The following ENTR1 variants were observed in gnomAD, a reference collection of about 807,000 sequenced individuals.
The protein encoded by ENTR1 is endosome-associated-trafficking regulator 1.
A neutral mutation model predicts 47.9 loss-of-function variants in ENTR1; 47 were observed. The observed-to-expected ratio is 0.98, with a 90% CI of 0.78 to 1.25. The LOEUF (loss-of-function observed/expected upper bound fraction) is 1.25, where lower values mean the gene tolerates loss of function less well. Among genes scored for constraint, ENTR1 ranks in the 50% most tolerant of loss-of-function variants. The pLI, the probability that ENTR1 is intolerant of heterozygous loss-of-function variation, is 0.00. For missense variants in ENTR1, 668 were observed against 570.5 expected (o/e 1.17, Z -1.74); for synonymous variants, 290 against 245.8 (o/e 1.18, Z -1.68).
chr9:136,406,848 C>A, intron 5 of ENTR1: 1 of 307,308 alleles, frequency 3.3e-6, no homozygotes. Context: ...TTTTCCTCCT[C>A]TTGGAATACT....
At position 136,405,895 on chromosome 9, in the gene ENTR1, G is replaced by C; in HGVS notation, c.893+10C>G. 6.4e-7 allele frequency: 1 copy of C among 1,560,812 alleles called. No homozygotes were observed. Among genetic ancestry groups the C allele is most frequent in the Non-Finnish European group, 8.7e-7 (1 of 1,146,656 alleles). ...TTGTGGATTGCATTCCTAACTAAAA[G>C]CTTACATACATTTCTGTTTGAGCTT... On this transcript the variant is annotated intron_variant, in intron 6 of 9. Transcript: ENST00000357365.
At chr9:136,402,941 A>G in intron 9 of ENTR1, 54 bp from the exon 10 acceptor site, 1 of 837,386 alleles carries the variant, frequency 1.2e-6, no homozygotes, top group South Asian at 1.4e-5. Flanking sequence ...CAGCAGCAAC[A>G]GGGTTCTGGG....
chr9:136,404,551 T>C (rs922961597), intron 8 of ENTR1, 80 bp downstream of exon 8: 6 of 1,452,312 alleles, frequency 4.1e-6, no homozygotes, highest in Non-Finnish European at 3.9e-6. Flanking sequence ...CCCAGCAGAG[T>C]CTTTCGCCTC....
intron 3 of ENTR1, among the ~76,000 whole-genome samples, chr9:136,408,675 A>G (rs1053918510): frequency 2.6e-5 from 4 of 152,160 alleles, no homozygotes; most frequent in Middle Eastern, 3.4e-3. Flanking sequence ...GGTAGCCTAA[A>G]TAACGCCCAC....
rs1375313094 is a variant in ENTR1 at position 136,402,739 on chromosome 9, T to C, written c.*49A>G. 2 of 1,263,496 alleles carry C rather than the reference T, an allele frequency of 1.6e-6. No homozygotes were observed. Among genetic ancestry groups the C allele is most frequent in the African/African-American group, 2.9e-5 (2 of 68,004 alleles). 78.3% of individuals were successfully genotyped at this position (1,263,496 alleles called of 1,614,324 possible). A position where few individuals can be genotyped will look rare whatever the true frequency, so the allele number is the denominator to read the frequency against. Reference sequence around the variant, plus strand: ...ACTGCACATTTAGATCGAGCGGTGGTGACCTCAGGGTATACACGGAGCTTC... The same window carrying C: ...ACTGCACATTTAGATCGAGCGGTGGCGACCTCAGGGTATACACGGAGCTTC... On this transcript the variant is annotated 3_prime_UTR_variant, in exon 10 of 10. Coordinates refer to ENST00000357365, the MANE Select transcript of ENTR1 (RefSeq NM_001039707.2).
At chr9:136,405,540 C>T (rs1834723933) in intron 6 of ENTR1, among the ~76,000 whole-genome samples, 1 of 152,214 alleles carries the variant, frequency 6.6e-6, no homozygotes, top group South Asian at 2.1e-4. Flanking sequence ...GAGTTTGAGA[C>T]AAGCCTGGGC....
Position 136,402,829 on chromosome 9 carries a change from C to G in ENTR1, c.1267G>C (p.Asp423His). 2 of 1,613,102 alleles carry G rather than the reference C, an allele frequency of 1.2e-6. No homozygotes were observed. Among genetic ancestry groups the G allele is most frequent in the Non-Finnish European group, 1.7e-6 (2 of 1,179,842 alleles). Residue 423 changes from aspartate (D) to histidine (H), a missense_variant, in exon 10 of 10, where the codon GAC becomes CAC. By Grantham distance (81) the Asp-to-His change is moderately conservative (BLOSUM62 -1). Transcript: ENST00000357365. ...TCGTCTTTAACTTCAGAAATTCTGT[C>G]TATAGATTTAAGGATTTCGGCAACA... ...NLVAEILKSI[D>H]RISEVKDEEE...
chr9:136,403,344 CCAGGGAGCAAGGGG>C, intron 9 of ENTR1, among the ~76,000 whole-genome samples: 1 of 110,918 alleles, frequency 9.0e-6, no homozygotes, highest in Non-Finnish European at 1.9e-5. Context: ...GGACAGGGTT[CCAGGGAGCAAGGGG>C]TGGGGTTTGC....
At chr9:136,409,145 T>G in intron 2 of ENTR1, 78 bp from the exon 3 acceptor site, 1 of 1,265,916 alleles carries the variant, frequency 7.9e-7, no homozygotes, top group South Asian at 1.2e-5. Context: ...CTTTTGCACA[T>G]GGAGTCTCCA....
chr9:136,404,700 C>T lies in ENTR1; in HGVS notation c.1006-7G>A, dbSNP rs370503382. Reference sequence around the variant, plus strand: ...CTGCCTTTACAGCCCGTTTCTGTTACCCAAAAAAGAAAAACCACAAAAAGC... The same window carrying T: ...CTGCCTTTACAGCCCGTTTCTGTTATCCAAAAAAGAAAAACCACAAAAAGC... On this transcript the variant is annotated splice_polypyrimidine_tract_variant and splice_region_variant and intron_variant, in intron 7 of 9. Coordinates refer to ENST00000357365, the MANE Select transcript of ENTR1 (RefSeq NM_001039707.2). 40 of 1,613,880 alleles carry T rather than the reference C, an allele frequency of 2.5e-5. No homozygotes were observed. In the African/African-American group the frequency reaches 5.2e-4, roughly 21 times the overall value.
chr9:136,408,811 T>G (rs896645596), intron 3 of ENTR1, among the ~76,000 whole-genome samples, 188 bp downstream of exon 3: 5 of 152,134 alleles, frequency 3.3e-5, no homozygotes, highest in Non-Finnish European at 5.9e-5. Context: ...CAGGTGGGGC[T>G]TCCCCGCTCC....
intron 9 of ENTR1, among the ~76,000 whole-genome samples, chr9:136,403,558 A>G (rs1339619519): frequency 1.3e-5 from 2 of 151,940 alleles, no homozygotes; most frequent in African/African-American, 4.8e-5. Context: ...GGAGACCCAC[A>G]CCTGACTTCA....
chr9:136,407,598 T>C, intron 4 of ENTR1, 37 bp from the exon 5 acceptor site: 1 of 1,510,130 alleles, frequency 6.6e-7, no homozygotes, highest in Non-Finnish European at 8.8e-7. Context: ...ATGGAGGCCA[T>C]GCTTCTGACT....
At chr9:136,406,186 G>A (rs1476442825) in intron 5 of ENTR1, among the ~76,000 whole-genome samples, 2 of 152,164 alleles carry the variant, frequency 1.3e-5, no homozygotes, top group Non-Finnish European at 2.9e-5. Context: ...ATTTTACTCA[G>A]AGGCCGGGGG....
intron 6 of ENTR1, 150 bp from the exon 7 acceptor site, chr9:136,405,352 T>C (rs1447584107): frequency 6.4e-6 from 4 of 628,576 alleles, no homozygotes. Flanking sequence ...GCCTCAGGCC[T>C]GGACCTGTAG....
chr9:136,404,137 T>G lies in ENTR1; in HGVS notation c.1126A>C (p.Ser376Arg). The change falls in exon 9 of 10, where the codon AGC becomes CGC. Residue 376 changes from serine (S) to arginine (R), a missense_variant. Physicochemically the swap from Ser to Arg is moderately radical, Grantham distance 110. Coordinates refer to ENST00000357365, the MANE Select transcript of ENTR1 (RefSeq NM_001039707.2). The part of the protein sequence containing the change: ...NEALRCGQGA[S>R]LTVVKQNADV... ...GCGTTCTGCTTCACCACGGTCAGGC[T>G]GGCACCCTGGCCGCACCGCAGGGCT... 6.2e-7 allele frequency: 1 copy of G among 1,613,336 alleles called. No individual in the cohort carries two copies. The highest frequency in any genetic ancestry group is 8.5e-7 in the Non-Finnish European group (1 of 1,179,856).
At position 136,410,258 on chromosome 9, in the gene ENTR1, G is replaced by A; in HGVS notation, c.71-19C>T. On this transcript the variant is annotated intron_variant, in intron 1 of 9. Coordinates refer to ENST00000357365, the MANE Select transcript of ENTR1 (RefSeq NM_001039707.2). Reference sequence around the variant, plus strand: ...GCTGGAGCTGGAAGCAACGACAACAGCGACTTTACTGCGTGCCGGGGCGGC... The same window carrying A: ...GCTGGAGCTGGAAGCAACGACAACAACGACTTTACTGCGTGCCGGGGCGGC... 1.3e-6 allele frequency: 2 copies of A among 1,561,626 alleles called. No homozygotes were observed. Among genetic ancestry groups the A allele is most frequent in the Non-Finnish European group, 1.7e-6 (2 of 1,153,736 alleles).
intron 7 of ENTR1, 51 bp from the exon 8 acceptor site, chr9:136,404,744 T>A (rs1564406315): frequency 6.3e-7 from 1 of 1,592,716 alleles, no homozygotes; most frequent in Non-Finnish European, 8.6e-7. Context: ...TGTCCTCACA[T>A]TCATACCGGA....
At chr9:136,403,354 AG>A in intron 9 of ENTR1, among the ~76,000 whole-genome samples, 1 of 56,204 alleles carries the variant, frequency 1.8e-5, no homozygotes, top group African/African-American at 7.2e-5. Context: ...CCAGGGAGCA[AG>A]GGGTGGGGTT....
Sources: gnomAD v4.1 joint callset for allele counts (sites outside exome capture counted in the v4.1 genomes callset) on GRCh38, gnomAD v4.1.1 for gene constraint, MANE v1.5 for transcripts, NCBI Gene and HGNC (gene_info 2026-07-23, HGNC 2026-07-21) for gene names.